MED23: variants seen among roughly 807,000 people sequenced by gnomAD.
MED23 encodes mediator complex subunit 23.
MED23 carries 105 observed loss-of-function variants against 163.9 expected under a neutral mutation model. That is an observed-to-expected ratio of 0.64 (90% CI 0.55 to 0.75). MED23 has a LOEUF of 0.75. MED23 is among the 30% of genes least tolerant of loss of function. The pLI is 0.00. For synonymous variants in MED23, 561 were observed against 565.6 expected, an observed-to-expected ratio of 0.99 and a Z score of 0.12; for missense variants, 1,054 against 1,649.0, an observed-to-expected ratio of 0.64 and a Z score of 6.25.
At chr6:131,576,528 T>C in intron 30 of MED23, 7 of 789,098 alleles carry the variant, frequency 8.9e-6, no homozygotes, top group Non-Finnish European at 1.5e-5. Context: ...AAAGAGATGA[T>C]GTAAATTCCT....
intron 5 of MED23, 89 bp downstream of exon 5, chr6:131,623,262 A>G: frequency 9.5e-6 from 10 of 1,048,002 alleles, no homozygotes; most frequent in Non-Finnish European, 1.2e-5. Flanking sequence ...ATGCTTCCAC[A>G]TCATTTCTCT....
Position 131,624,971 on chromosome 6 carries a change from T to C in MED23, c.178A>G (p.Ile60Val), listed in dbSNP as rs17855017. ...TGAATAAACTTAACAATCCACTGGA[T>C]ACACTGTTCATGAGACTCCTGGAAA... Reference protein sequence around the residue: ...GLSQESHEQCIQWIVKFIHGQ... With the variant: ...GLSQESHEQCVQWIVKFIHGQ... Residue 60 changes from isoleucine (I) to valine (V), a missense_variant, in exon 4 of 29, where the codon ATC becomes GTC. This residue lies in a region of MED23 where 227 missense variants were observed against 235.5 expected (regional missense o/e 0.96). Coordinates refer to ENST00000368068, the MANE Select transcript of MED23 (RefSeq NM_004830.4). 11 of 1,613,752 alleles carry C rather than the reference T, an allele frequency of 6.8e-6. No individual in the cohort carries two copies. The highest frequency in any genetic ancestry group is 1.7e-5 in the Admixed American group (1 of 60,020).
Position 131,596,133 on chromosome 6 carries a change from G to A in MED23, c.2809C>T (p.Leu937Phe). ...KYPEKLYFEG[L>F]AEQVDPPVQI... The stretch of plus-strand genomic sequence containing the variant: ...ACAGGAGGATCCACCTGTTCCGCGA[G>A]GCCCTCAAAATACAACTTCTCTGGA... Residue 937 changes from leucine (L) to phenylalanine (F), a missense_variant, in exon 22 of 29, where the codon CTC becomes TTC. Physicochemically the swap from Leu to Phe is conservative, Grantham distance 22 (BLOSUM62 0). Transcript: ENST00000368068. The A allele has an allele frequency of 6.2e-7, 1 of 1,614,082 alleles. No homozygotes were observed. Among genetic ancestry groups the A allele is most frequent in the Non-Finnish European group, 8.5e-7 (1 of 1,179,996 alleles).
Position 131,623,465 on chromosome 6 carries a change from A to G in MED23, c.285-3T>C, listed in dbSNP as rs892805085. ...TTATCAGGGATTCACAAACCAGCCT[A>G]TAAAAAAAGAAATAGCCATTCCAGT... On this transcript the variant is annotated splice_region_variant and splice_polypyrimidine_tract_variant and intron_variant, in intron 4 of 28. Transcript: ENST00000368068. 37 of 1,612,380 alleles carry G rather than the reference A, an allele frequency of 2.3e-5. No homozygotes were observed. The highest frequency in any genetic ancestry group is 2.9e-5 in the Non-Finnish European group (34 of 1,178,514).
intron 11 of MED23, among the ~76,000 whole-genome samples, chr6:131,608,544 A>G (rs998765201): frequency 2.0e-5 from 3 of 151,778 alleles, no homozygotes; most frequent in African/African-American, 7.3e-5. Flanking sequence ...TTTTCTGTAC[A>G]CTTTGTTTCT....
At chr6:131,608,402 A>T (rs1282731879) in intron 11 of MED23, among the ~76,000 whole-genome samples, 1 of 152,190 alleles carries the variant, frequency 6.6e-6, no homozygotes, top group Non-Finnish European at 1.5e-5. Context: ...CATGAGAATC[A>T]AGTTTAATAT....
intron 15 of MED23, 112 bp from the exon 16 acceptor site, chr6:131,603,316 C>A: frequency 1.0e-6 from 1 of 975,542 alleles, no homozygotes. Context: ...AAAATACACA[C>A]GCCCACACAC....
At position 131,587,121 on chromosome 6, in the gene MED23, G is replaced by T; in HGVS notation, c.*558C>A. 1 of 1,241,546 alleles carries T rather than the reference G, an allele frequency of 8.1e-7. No individual in the cohort carries two copies. The highest frequency in any genetic ancestry group is 3.1e-5 in the South Asian group (1 of 32,408). 76.9% of individuals were successfully genotyped at this position (1,241,546 alleles called of 1,614,324 possible). Reference sequence around the variant, plus strand: ...CCAGTTGACCTTGATAGAAACTATGGAAATTTATAATAAAATTTCAAGTCA... The same window carrying T: ...CCAGTTGACCTTGATAGAAACTATGTAAATTTATAATAAAATTTCAAGTCA... On this transcript the variant is annotated 3_prime_UTR_variant, in exon 29 of 29. Coordinates refer to ENST00000368068, the MANE Select transcript of MED23 (RefSeq NM_004830.4).
At chr6:131,614,888 C>A (rs574667215) in intron 10 of MED23, among the ~76,000 whole-genome samples, 2 of 151,090 alleles carry the variant, frequency 1.3e-5, no homozygotes, top group African/African-American at 4.9e-5. Context: ...TGTTATTTTT[C>A]TTTATTTGTT....
At chr6:131,611,945 A>G (rs142033804) in intron 10 of MED23, among the ~76,000 whole-genome samples, 1 of 152,242 alleles carries the variant, frequency 6.6e-6, no homozygotes, top group East Asian at 1.9e-4. Flanking sequence ...TCACCTACAT[A>G]TTTTTAGGCA....
At chr6:131,615,141 A>G (rs916966376) in intron 10 of MED23, among the ~76,000 whole-genome samples, 4 of 151,244 alleles carry the variant, frequency 2.6e-5, no homozygotes, top group African/African-American at 9.7e-5. Flanking sequence ...ACAAAAACAA[A>G]AACAATCCAC....
chr6:131,623,185 G>A (rs1777234912), intron 5 of MED23, among the ~76,000 whole-genome samples, 166 bp downstream of exon 5: 1 of 152,174 alleles, frequency 6.6e-6, no homozygotes, highest in Non-Finnish European at 1.5e-5. Context: ...AGCGGAGCCA[G>A]GGAAACAACT....
chr6:131,608,760 G>A (rs2114689196), intron 11 of MED23, among the ~76,000 whole-genome samples: 1 of 152,314 alleles, frequency 6.6e-6, no homozygotes, highest in South Asian at 2.1e-4. Context: ...GAAGGTGGTT[G>A]AAAGGATTTT....
At chr6:131,583,823 C>A (rs1332603898), downstream of MED23, 3 of 1,614,040 alleles carry the variant, frequency 1.9e-6, no homozygotes, top group African/African-American at 4.0e-5. Context: ...ACAGTGAACA[C>A]AGCAGTTGCA....
intron 30 of MED23, among the ~76,000 whole-genome samples, chr6:131,578,266 A>T (rs1773728180): frequency 6.6e-6 from 1 of 152,086 alleles, no homozygotes. Context: ...CTTAACTGAC[A>T]AGCATAATTT....
chr6:131,615,625 T>C (rs1308019170), intron 10 of MED23: 2 of 554,214 alleles, frequency 3.6e-6, no homozygotes, highest in African/African-American at 1.9e-5. Flanking sequence ...GGTTGAGTCA[T>C]GTGTAGGTTT....
intron 23 of MED23, among the ~76,000 whole-genome samples, chr6:131,593,734 A>C (rs1774827962): frequency 6.6e-6 from 1 of 152,114 alleles, no homozygotes; most frequent in African/African-American, 2.4e-5. Flanking sequence ...TACAAACATT[A>C]ATTTTTTTAA....
downstream of MED23, chr6:131,584,054 T>G: frequency 1.1e-6 from 1 of 900,948 alleles, no homozygotes; most frequent in Admixed American, 3.1e-5. Context: ...AATTCCCTCT[T>G]GGTGTAAAAT....
downstream of MED23, chr6:131,583,765 A>G: frequency 6.2e-7 from 1 of 1,614,040 alleles, no homozygotes; most frequent in Non-Finnish European, 8.5e-7. Context: ...ATTAGATATA[A>G]TGGAAGTGAA....
Sources: allele counts gnomAD v4.1 joint callset (sites outside exome capture counted in the v4.1 genomes callset), GRCh38; gene constraint gnomAD v4.1.1; regional missense constraint gnomAD v4.1.1; transcripts MANE v1.5; gene names NCBI Gene and HGNC (gene_info 2026-07-23, HGNC 2026-07-21).